MAMDC2: variants seen among roughly 807,000 people sequenced by gnomAD.
The protein encoded by MAMDC2 is MAM domain containing 2.
A neutral mutation model predicts 89.8 loss-of-function variants in MAMDC2; 57 were observed. The observed-to-expected ratio is 0.63, with a 90% confidence interval of 0.51 to 0.79. The LOEUF (loss-of-function observed/expected upper bound fraction) is 0.79. Among genes scored for constraint, MAMDC2 ranks in the 30% least tolerant of loss-of-function variants. The pLI is 0.00. For missense variants in MAMDC2, 800 were observed against 820.6 expected (o/e 0.97, Z 0.31); for synonymous variants, 313 against 293.4 (o/e 1.07, Z -0.68).
intron 2 of MAMDC2, among the ~76,000 whole-genome samples, chr9:70,055,791 A>T (rs1050647953): frequency 6.6e-6 from 1 of 152,238 alleles, no homozygotes; most frequent in African/African-American, 2.4e-5. Context: ...AGAGAACTTC[A>T]GGGAAATTTT....
intron 2 of MAMDC2, among the ~76,000 whole-genome samples, chr9:70,081,077 T>G (rs1827641378): frequency 6.6e-6 from 1 of 152,150 alleles, no homozygotes; most frequent in African/African-American, 2.4e-5. Context: ...AAATTACCTT[T>G]TTTTGTTTGA....
intron 2 of MAMDC2, among the ~76,000 whole-genome samples, chr9:70,077,314 A>T (rs566030164): frequency 2.2e-4 from 33 of 152,124 alleles, no homozygotes; most frequent in Non-Finnish European, 4.6e-4. Flanking sequence ...AATTGTTCTA[A>T]CTTGGTGGAT....
At chr9:70,063,952 C>T (rs1827206302) in intron 2 of MAMDC2, among the ~76,000 whole-genome samples, 1 of 151,822 alleles carries the variant, frequency 6.6e-6, no homozygotes, top group Non-Finnish European at 1.5e-5. Context: ...ATGGAAGCCA[C>T]CTGAAAAAAT....
At chr9:70,102,460 G>C (rs73449455) in intron 2 of MAMDC2, among the ~76,000 whole-genome samples, 3,731 of 152,262 alleles carry the variant, frequency 0.025, 140 homozygotes, top group African/African-American at 0.083. Flanking sequence ...CTACCATGCT[G>C]TGCCATGGCT....
At chr9:70,045,745 G>GC (rs772990892) in intron 2 of MAMDC2, among the ~76,000 whole-genome samples, 51 of 152,144 alleles carry the variant, frequency 3.4e-4, no homozygotes, top group Non-Finnish European at 6.2e-4. Flanking sequence ...GGTGATGTTG[G>GC]ACCCGTTTTA....
intron 11 of MAMDC2, among the ~76,000 whole-genome samples, chr9:70,199,880 C>A (rs561707642): frequency 1.3e-3 from 203 of 151,430 alleles, no homozygotes; most frequent in Non-Finnish European, 2.6e-3. Flanking sequence ...TGTCCTTCGC[C>A]CACTTTTTGA....
At chr9:70,074,969 G>C (rs997015561) in intron 2 of MAMDC2, among the ~76,000 whole-genome samples, 15 of 152,138 alleles carry the variant, frequency 9.9e-5, no homozygotes, top group African/African-American at 3.6e-4. Flanking sequence ...TAGTGGATGT[G>C]CCCAGCCAAA....
chr9:70,047,376 C>T lies in MAMDC2; in HGVS notation c.148+2679C>T, dbSNP rs565422719. 7.9e-5 allele frequency among the ~76,000 whole-genome samples: 12 copies of T among 152,142 alleles called. No homozygotes were observed. In the South Asian group the frequency reaches 8.3e-4, roughly 11 times the overall value. ...CTTGCGCCCCACCCCCAACAGGCCC[C>T]GGTGTGTGAAGTTCCCCTCCTTGTG... On this transcript the variant is annotated intron_variant, in intron 2 of 13. Transcript: ENST00000377182.
At chr9:70,210,596 G>A (rs963125521) in intron 11 of MAMDC2, among the ~76,000 whole-genome samples, 1 of 152,166 alleles carries the variant, frequency 6.6e-6, no homozygotes, top group East Asian at 1.9e-4. Flanking sequence ...CAAGTTGCCA[G>A]TCTGTGTCTT....
chr9:70,198,811 TTAA>T (rs2033031907), intron 11 of MAMDC2, among the ~76,000 whole-genome samples: 1 of 152,158 alleles, frequency 6.6e-6, no homozygotes, highest in African/African-American at 2.4e-5. Context: ...GATTGAAATA[TTAA>T]TAACACAATA....
At position 70,044,677 on chromosome 9, in the gene MAMDC2, C is replaced by G. The variant is rs932612264; in HGVS notation, c.128C>G (p.Pro43Arg). ...CGFDSVLASL[P>R]WILNEEGHYI... The stretch of plus-strand genomic sequence containing the variant: ...TTTGACTCCGTGTTGGCCTCTCTGC[C>G]GTGGATTTTAAATGAGGAAGGTAAG... Residue 43 changes from proline (P) to arginine (R), a missense_variant, in exon 2 of 14, where the codon CCG (proline) becomes CGG (arginine). Coordinates refer to ENST00000377182, the MANE Select transcript of MAMDC2 (RefSeq NM_153267.5). The G allele has an allele frequency of 1.3e-6, 2 of 1,551,574 alleles. No homozygotes were observed. Among genetic ancestry groups the G allele is most frequent in the South Asian group, 2.4e-5 (2 of 84,052 alleles).
chr9:70,048,251 G>A (rs943401259), intron 2 of MAMDC2, among the ~76,000 whole-genome samples: 3 of 152,106 alleles, frequency 2.0e-5, no homozygotes, highest in African/African-American at 7.2e-5. Context: ...AATTGAATCC[G>A]GCAAAGAAGG....
At chr9:70,171,907 T>C (rs979255796) in intron 11 of MAMDC2, 1 of 152,342 alleles carries the variant, frequency 6.6e-6, no homozygotes, top group South Asian at 2.1e-4. Flanking sequence ...TATTCAAAGC[T>C]GTTCTGGGCC....
intron 2 of MAMDC2, among the ~76,000 whole-genome samples, chr9:70,067,949 G>A (rs1194473983): frequency 6.6e-6 from 1 of 152,160 alleles, no homozygotes; most frequent in East Asian, 1.9e-4. Flanking sequence ...CTTATACAAG[G>A]ACTTGTCTAC....
chr9:70,140,063 A>T (rs569254371), intron 7 of MAMDC2, 82 bp from the exon 8 acceptor site: 2 of 1,381,076 alleles, frequency 1.4e-6, no homozygotes, highest in Non-Finnish European at 9.6e-7. Flanking sequence ...ACAAATGTGT[A>T]TATATAAATA....
chr9:70,140,880 A>G (rs1385348185), intron 8 of MAMDC2, among the ~76,000 whole-genome samples: 1 of 152,226 alleles, frequency 6.6e-6, no homozygotes, highest in African/African-American at 2.4e-5. Context: ...CTTGATGGAT[A>G]TATTTACAAG....
Position 70,139,110 on chromosome 9 carries a change from TTTTA to T in MAMDC2, c.995-1024_995-1021del, listed in dbSNP as rs750149504. Among the ~76,000 whole-genome samples, 188 of 151,756 alleles carry T rather than the reference TTTTA, an allele frequency of 1.2e-3. 1 individual carries two copies. Among genetic ancestry groups the T allele is most frequent in the Middle Eastern group, 0.01 (3 of 294 alleles). On this transcript the variant is annotated intron_variant, in intron 7 of 13. Transcript: ENST00000377182. ...TTCACAGTCATGACAGGAAATTTCT[TTTTA>T]TTTATTTATTATTATTATTATTATA...
intron 9 of MAMDC2, among the ~76,000 whole-genome samples, chr9:70,150,403 A>G (rs190493935): frequency 2.1e-4 from 32 of 152,296 alleles, no homozygotes; most frequent in African/African-American, 7.2e-4. Flanking sequence ...TTCTGAGCCT[A>G]TTGAGCTTAG....
intron 2 of MAMDC2, chr9:70,087,076 C>A (rs1370992081): frequency 1.3e-5 from 2 of 152,090 alleles, no homozygotes; most frequent in African/African-American, 4.8e-5. Context: ...ACAGTAGGGA[C>A]AAAGTTGAGT....
Sources: gnomAD v4.1 joint callset for allele counts (sites outside exome capture counted in the v4.1 genomes callset) on GRCh38, gnomAD v4.1.1 for gene constraint, MANE v1.5 for transcripts, NCBI Gene and HGNC (gene_info 2026-07-23, HGNC 2026-07-21) for gene names.